WFDC1: variants seen among roughly 807,000 people sequenced by gnomAD.
WFDC1 encodes the protein WAP four-disulfide core domain protein 1.
A neutral mutation model predicts 32.9 loss-of-function variants in WFDC1; 39 were observed. That is an observed-to-expected ratio of 1.19 (90% confidence interval 0.92 to 1.55). WFDC1 has a LOEUF of 1.55. Ranked by LOEUF, WFDC1 falls within the 40% of genes most tolerant of loss-of-function variation. WFDC1 has a pLI of 0.00. For synonymous variants in WFDC1, 184 were observed against 137.4 expected (o/e 1.34, Z -2.37); for missense variants, 386 against 309.5 (o/e 1.25, Z -1.85).
At chr16:84,300,462 C>A (rs1348432315) in intron 1 of WFDC1, among the ~76,000 whole-genome samples, 1 of 152,252 alleles carries the variant, frequency 6.6e-6, no homozygotes, top group Non-Finnish European at 1.5e-5. Context: ...TCCTGGGATC[C>A]CCTCCCAAAT....
rs2151375385 is a variant in WFDC1 at position 84,313,062 on chromosome 16, C to T, written c.246C>T (p.Arg82=). ...TLPPGACQAA[R]CQADSECPRH... ...CCCCCGGCGCCTGCCAGGCCGCGCG[C>T]TGTCAGGCGGACTCCGAGTGCCCGC... Residue 82 remains arginine (R), a synonymous_variant, in exon 2 of 7, where the codon CGC becomes CGT. Transcript: ENST00000219454. 1.4e-6 allele frequency: 2 copies of T among 1,404,270 alleles called. No individual in the cohort carries two copies. Among genetic ancestry groups the T allele is most frequent in the East Asian group, 3.1e-5 (1 of 32,582 alleles). The allele number at this position is 1,404,270 out of a possible 1,614,324, so 87.0% of individuals were successfully genotyped here.
At chr16:84,301,814 G>A (rs244832) in intron 1 of WFDC1, among the ~76,000 whole-genome samples, 55,775 of 151,956 alleles carry the variant, frequency 0.37, 12,311 homozygotes, top group African/African-American at 0.59. Context: ...CTTTCTCCTC[G>A]CTGGGACTGA....
intron 2 of WFDC1, among the ~76,000 whole-genome samples, chr16:84,313,575 C>T (rs1004845159): frequency 6.6e-6 from 1 of 152,200 alleles, no homozygotes. Context: ...ACCATGTTCC[C>T]TGGGCTGCCA....
intron 3 of WFDC1, chr16:84,319,044 G>A (rs1037829188): frequency 9.0e-5 from 23 of 255,996 alleles, no homozygotes; most frequent in South Asian, 7.0e-4. Context: ...GTGGGGATGC[G>A]TGCGTATATG....
intron 6 of WFDC1, 115 bp from the exon 7 acceptor site, chr16:84,329,207 G>A (rs1027787167): frequency 2.0e-5 from 3 of 149,420 alleles, no homozygotes; most frequent in Admixed American, 6.6e-5. Flanking sequence ...TGGCGGCGGG[G>A]AGACGAAAGA....
At chr16:84,318,204 C>T (rs1908070848) in intron 2 of WFDC1, 68 bp from the exon 3 acceptor site, 15 of 1,517,296 alleles carry the variant, frequency 9.9e-6, no homozygotes, top group Admixed American at 1.7e-5. Flanking sequence ...GGGGTGCCCC[C>T]AGCCCCCAAG....
intron 4 of WFDC1, among the ~76,000 whole-genome samples, chr16:84,322,384 C>T (rs1036015899): frequency 3.3e-5 from 5 of 152,020 alleles, no homozygotes; most frequent in Non-Finnish European, 7.4e-5. Flanking sequence ...GAAGGGTGGC[C>T]CCCTTGTCCC....
intron 1 of WFDC1, among the ~76,000 whole-genome samples, chr16:84,309,372 C>G (rs1381915629): frequency 6.6e-6 from 1 of 152,100 alleles, no homozygotes; most frequent in Non-Finnish European, 1.5e-5. Context: ...CCTTGGAGCA[C>G]AGAGGTGACC....
At chr16:84,329,093 G>A (rs1476509728) in intron 6 of WFDC1, 23 of 152,350 alleles carry the variant, frequency 1.5e-4, no homozygotes, top group African/African-American at 5.5e-4. Context: ...TGGTAGGGGA[G>A]GAGTTAGGAA....
chr16:84,303,605 T>C (rs1167229818), intron 1 of WFDC1, among the ~76,000 whole-genome samples: 1 of 152,222 alleles, frequency 6.6e-6, no homozygotes, highest in African/African-American at 2.4e-5. Flanking sequence ...ATGAAGCAGT[T>C]ACACACAGCA....
intron 3 of WFDC1, chr16:84,318,728 T>G: frequency 4.1e-6 from 1 of 243,022 alleles, no homozygotes; most frequent in Non-Finnish European, 8.4e-6. Context: ...GAGGGCAATT[T>G]CTGGAAGGAA....
intron 2 of WFDC1, chr16:84,316,246 C>A (rs977699167): frequency 6.6e-6 from 1 of 152,176 alleles, no homozygotes; most frequent in East Asian, 1.9e-4. Flanking sequence ...ACTTCCATGT[C>A]ATTATAATCA....
chr16:84,309,617 A>G (rs950401911), intron 1 of WFDC1, among the ~76,000 whole-genome samples: 6 of 152,048 alleles, frequency 3.9e-5, no homozygotes, highest in African/African-American at 2.4e-5. Context: ...GCCAACAGAA[A>G]TGAATTGTCT....
intron 5 of WFDC1, 27 bp from the exon 6 acceptor site, chr16:84,326,855 C>G (rs1908631127): frequency 1.2e-6 from 2 of 1,613,592 alleles, no homozygotes; most frequent in Admixed American, 1.7e-5. Flanking sequence ...ATACATCTAC[C>G]CCAACAGAGC....
intron 1 of WFDC1, among the ~76,000 whole-genome samples, chr16:84,309,202 C>T (rs372582124): frequency 2.0e-4 from 30 of 152,106 alleles, no homozygotes; most frequent in African/African-American, 6.3e-4. Context: ...AGTTTGCTGG[C>T]ATGTAAGGAC....
Position 84,321,082 on chromosome 16 carries a change from G to C in WFDC1, c.562+1511G>C, listed in dbSNP as rs1908277957. ...TTCCACTTGCTATTTGCAGGGCTTTGTTTGGGGTTATAGGGTGGCTTCTCC... is the reference window on the plus strand; with the variant it reads ...TTCCACTTGCTATTTGCAGGGCTTTCTTTGGGGTTATAGGGTGGCTTCTCC... On this transcript the variant is annotated intron_variant, in intron 4 of 6. Coordinates refer to ENST00000219454, the MANE Select transcript of WFDC1 (RefSeq NM_021197.4). Among the ~76,000 whole-genome samples, 3 of 152,200 alleles carry C rather than the reference G, an allele frequency of 2.0e-5. No homozygotes were observed. In the South Asian group the frequency reaches 6.2e-4, roughly 31 times the overall value.
intron 1 of WFDC1, among the ~76,000 whole-genome samples, chr16:84,311,593 A>T (rs1907628532): frequency 7.0e-6 from 1 of 142,008 alleles, no homozygotes; most frequent in South Asian, 2.3e-4. Context: ...GAGTAGTGCG[A>T]TCACAGCTCA....
chr16:84,313,089 G>C lies in WFDC1; in HGVS notation c.273G>C (p.Arg91=). 7.0e-7 allele frequency: 1 copy of C among 1,429,394 alleles called. No homozygotes were observed. Among genetic ancestry groups the C allele is most frequent in the Non-Finnish European group, 9.1e-7 (1 of 1,097,380 alleles). The allele number at this position is 1,429,394 out of a possible 1,614,324, so 88.5% of individuals were successfully genotyped here. The change falls in exon 2 of 7, where the codon CGG becomes CGC. Residue 91 remains arginine, a synonymous_variant. Transcript: ENST00000219454. ...GTCAGGCGGACTCCGAGTGCCCGCGGCACCGGCGCTGCTGCTACAACGGAT... is the reference window on the plus strand; with the variant it reads ...GTCAGGCGGACTCCGAGTGCCCGCGCCACCGGCGCTGCTGCTACAACGGAT... The part of the protein sequence containing the change: ...ARCQADSECP[R]HRRCCYNGCA...
chr16:84,323,094 TC>T (rs570887757), intron 4 of WFDC1, among the ~76,000 whole-genome samples: 1 of 152,068 alleles, frequency 6.6e-6, no homozygotes, highest in Non-Finnish European at 1.5e-5. Flanking sequence ...TTTGGGGAGC[TC>T]CCCCAGCCTA....
Sources: allele counts gnomAD v4.1 joint callset (sites outside exome capture counted in the v4.1 genomes callset), GRCh38; gene constraint gnomAD v4.1.1; transcripts MANE v1.5; gene names NCBI Gene and HGNC (gene_info 2026-07-23, HGNC 2026-07-21).